Variants in CDH13 observed in about 807,000 individuals in gnomAD.
CDH13 encodes the protein cadherin 13, also known as cadherin-13.
CDH13 carries 24 observed loss-of-function variants against 63.8 expected under a neutral mutation model. The observed-to-expected ratio is 0.38, with a 90% CI of 0.27 to 0.53. The LOEUF is 0.53. CDH13 is among the 20% of genes least tolerant of loss of function. The pLI is 0.85. For missense variants in CDH13, 1,049 were observed against 903.1 expected (o/e 1.16, Z -2.07); for synonymous variants, 503 against 355.3 (o/e 1.42, Z -4.67).
chr16:83,191,530 C>CATATATAT (rs71376303), intron 4 of CDH13, among the ~76,000 whole-genome samples: 25 of 74,370 alleles, frequency 3.4e-4, no homozygotes, highest in East Asian at 1.5e-3. Flanking sequence ...CACACACACA[C>CATATATAT]ATATATATAT....
At chr16:83,172,612 G>C (rs1447685949) in intron 4 of CDH13, among the ~76,000 whole-genome samples, 1 of 151,980 alleles carries the variant, frequency 6.6e-6, no homozygotes, top group Admixed American at 6.6e-5. Flanking sequence ...TGAGAAGCTA[G>C]GAGACAGGCT....
rs77883145 is a variant in CDH13 at position 82,962,628 on chromosome 16, G to A, written c.158-69382G>A. Among the ~76,000 whole-genome samples the A allele has an allele frequency of 8.0e-3, 1,225 of 152,254 alleles. 28 individuals carry two copies. The highest frequency in any genetic ancestry group is 0.028 in the African/African-American group (1,178 of 41,550). ...CTAGAAGAGAATCTGACAAAGATGCGGGTGAAACTCTGAACCCCTGGCCAG... is the reference window on the plus strand; with the variant it reads ...CTAGAAGAGAATCTGACAAAGATGCAGGTGAAACTCTGAACCCCTGGCCAG... On this transcript the variant is annotated intron_variant, in intron 2 of 13. Transcript: ENST00000567109.
At position 82,666,654 on chromosome 16, in the gene CDH13, C is replaced by A. The variant is rs142959580; in HGVS notation, c.45+39517C>A. Among the ~76,000 whole-genome samples, 251 of 152,302 alleles carry A rather than the reference C, an allele frequency of 1.6e-3. 1 individual carries two copies. The highest frequency in any genetic ancestry group is 5.6e-3 in the African/African-American group (234 of 41,568). ...TAGTCGTAGGTTAACCATACAACAA[C>A]CATGGTAACTGAGGCACGAAGAACA... On this transcript the variant is annotated intron_variant, in intron 1 of 13. Coordinates refer to ENST00000567109, the MANE Select transcript of CDH13 (RefSeq NM_001257.5).
At chr16:83,682,442 T>C (rs1468588371) in intron 10 of CDH13, among the ~76,000 whole-genome samples, 1 of 152,166 alleles carries the variant, frequency 6.6e-6, no homozygotes, top group African/African-American at 2.4e-5. Context: ...TTTTTCACAA[T>C]TATGATGAGC....
At chr16:83,318,758 G>A (rs1376599241) in intron 5 of CDH13, among the ~76,000 whole-genome samples, 1 of 152,100 alleles carries the variant, frequency 6.6e-6, no homozygotes, top group Non-Finnish European at 1.5e-5. Flanking sequence ...CAAATGGCGA[G>A]GCACTGGTAT....
At chr16:83,172,753 C>A (rs1027700738) in intron 4 of CDH13, among the ~76,000 whole-genome samples, 4 of 151,974 alleles carry the variant, frequency 2.6e-5, no homozygotes, top group Non-Finnish European at 1.5e-5. Flanking sequence ...ACAGCCCTAA[C>A]AAACAACATA....
chr16:82,972,373 A>G (rs1328632633), intron 2 of CDH13, among the ~76,000 whole-genome samples: 1 of 152,196 alleles, frequency 6.6e-6, no homozygotes, highest in Admixed American at 6.5e-5. Context: ...CCTTTTGTTC[A>G]TTCCATTTCT....
At chr16:83,547,847 G>A (rs927825022) in intron 7 of CDH13, among the ~76,000 whole-genome samples, 2 of 152,184 alleles carry the variant, frequency 1.3e-5, no homozygotes, top group African/African-American at 4.8e-5. Flanking sequence ...TGAGGAGGGT[G>A]TTGTAGTGGG....
chr16:83,729,170 G>C (rs1354305998), intron 10 of CDH13, among the ~76,000 whole-genome samples: 1 of 152,014 alleles, frequency 6.6e-6, no homozygotes, highest in Admixed American at 6.6e-5. Context: ...TCCGAATTTG[G>C]GGGGAACAGC....
chr16:82,884,817 G>A (rs1484990567), intron 2 of CDH13, among the ~76,000 whole-genome samples: 1 of 152,176 alleles, frequency 6.6e-6, no homozygotes, highest in Non-Finnish European at 1.5e-5. Flanking sequence ...AACTTCAGCA[G>A]CCATATTATT....
At chr16:83,387,674 G>C (rs542335147) in intron 6 of CDH13, among the ~76,000 whole-genome samples, 2 of 152,206 alleles carry the variant, frequency 1.3e-5, no homozygotes, top group Non-Finnish European at 2.9e-5. Context: ...GTTTAGCTCA[G>C]GGCAAGTCTT....
At chr16:83,521,566 C>T (rs574946867) in intron 7 of CDH13, among the ~76,000 whole-genome samples, 1 of 152,240 alleles carries the variant, frequency 6.6e-6, no homozygotes, top group African/African-American at 2.4e-5. Flanking sequence ...ATTGTTAAAT[C>T]CCTTGTGAGT....
intron 8 of CDH13, among the ~76,000 whole-genome samples, chr16:83,668,723 T>C (rs1914230911): frequency 6.6e-6 from 1 of 152,236 alleles, no homozygotes; most frequent in Non-Finnish European, 1.5e-5. Flanking sequence ...GTCTGATCTT[T>C]GGGTCACTAA....
At chr16:83,335,490 G>C (rs1181205857) in intron 5 of CDH13, among the ~76,000 whole-genome samples, 1 of 152,080 alleles carries the variant, frequency 6.6e-6, no homozygotes, top group East Asian at 1.9e-4. Flanking sequence ...TACATGTAGT[G>C]AGCTTCTGAT....
intron 6 of CDH13, among the ~76,000 whole-genome samples, chr16:83,449,033 G>T (rs2072800569): frequency 6.6e-6 from 1 of 152,202 alleles, no homozygotes. Context: ...ACAAAAGGGA[G>T]ACCTGGGCTA....
At chr16:82,657,453 G>A (rs1337901602) in intron 1 of CDH13, among the ~76,000 whole-genome samples, 4 of 152,070 alleles carry the variant, frequency 2.6e-5, no homozygotes, top group Admixed American at 6.6e-5. Context: ...TCACATTCCC[G>A]GCAGGATGGA....
chr16:82,684,327 T>G (rs1382823885), intron 1 of CDH13, among the ~76,000 whole-genome samples: 1 of 152,174 alleles, frequency 6.6e-6, no homozygotes, highest in Non-Finnish European at 1.5e-5. Context: ...TATGAATGTC[T>G]CTGGGTCATC....
intron 10 of CDH13, among the ~76,000 whole-genome samples, chr16:83,715,068 A>G (rs573238171): frequency 2.0e-5 from 3 of 152,170 alleles, no homozygotes; most frequent in Non-Finnish European, 4.4e-5. Flanking sequence ...TATTGCTATC[A>G]TTTAGAGTAT....
intron 1 of CDH13, among the ~76,000 whole-genome samples, chr16:82,835,831 C>A (rs1431988673): frequency 6.6e-6 from 1 of 152,198 alleles, no homozygotes; most frequent in East Asian, 1.9e-4. Flanking sequence ...TGGCCAGAGT[C>A]TCATCAGCTC....
Sources: allele counts gnomAD v4.1 joint callset (sites outside exome capture counted in the v4.1 genomes callset), GRCh38; gene constraint gnomAD v4.1.1; transcripts MANE v1.5; gene names NCBI Gene and HGNC (gene_info 2026-07-23, HGNC 2026-07-21).